The following TNPO3 variants were observed in gnomAD, a reference collection of about 807,000 sequenced individuals.
TNPO3 encodes the protein transportin 3, also known as transportin-3.
Under a neutral mutation model 122.8 loss-of-function variants are expected in TNPO3, and 65 were observed. That is an observed-to-expected ratio of 0.53 (90% CI 0.43 to 0.65). The LOEUF is 0.65. Ranked by LOEUF, TNPO3 falls within the 30% of genes least tolerant of loss-of-function variation. TNPO3 has a pLI of 0.00. For synonymous variants in TNPO3, 372 were observed against 411.2 expected, an observed-to-expected ratio of 0.90 and a Z score of 1.15; for missense variants, 850 against 1,136.7, an observed-to-expected ratio of 0.75 and a Z score of 3.63.
Position 128,957,240 on chromosome 7 carries a change from G to C in TNPO3, c.*15C>G. On this transcript the variant is annotated 3_prime_UTR_variant, in exon 22 of 23. Coordinates refer to ENST00000265388, the MANE Select transcript of TNPO3 (RefSeq NM_012470.4). ...TATCCTCACCTGGGTGACAGGCACA[G>C]TGCAGGAGTGTGAGCTATCGAAACA... is the stretch of plus-strand genomic sequence containing the variant. 6.2e-7 allele frequency: 1 copy of C among 1,614,024 alleles called. No individual in the cohort carries two copies. Among genetic ancestry groups the C allele is most frequent in the South Asian group, 1.1e-5 (1 of 91,080 alleles).
chr7:129,048,286 T>C (rs1808293567), intron 1 of TNPO3, among the ~76,000 whole-genome samples: 1 of 152,100 alleles, frequency 6.6e-6, no homozygotes, highest in Non-Finnish European at 1.5e-5. Flanking sequence ...CCCAGCACTT[T>C]GGGAGGCCAA....
intron 9 of TNPO3, 79 bp downstream of exon 9, chr7:128,993,728 G>T: frequency 8.1e-7 from 1 of 1,232,920 alleles, no homozygotes; most frequent in Non-Finnish European, 1.1e-6. Context: ...GAAATAAGAT[G>T]GAACATTCAC....
intron 1 of TNPO3, among the ~76,000 whole-genome samples, chr7:129,025,844 G>A (rs2150471781): frequency 6.6e-6 from 1 of 152,256 alleles, no homozygotes; most frequent in South Asian, 2.1e-4. Context: ...TCCCAATGTA[G>A]GCTGGGCGGA....
At chr7:128,960,059 T>C (rs1443147645) in intron 21 of TNPO3, among the ~76,000 whole-genome samples, 1 of 152,128 alleles carries the variant, frequency 6.6e-6, no homozygotes, top group Non-Finnish European at 1.5e-5. Context: ...AGAACTATAG[T>C]TATGTGCTAC....
At chr7:129,045,871 G>A (rs924001386) in intron 1 of TNPO3, among the ~76,000 whole-genome samples, 5 of 152,038 alleles carry the variant, frequency 3.3e-5, no homozygotes, top group South Asian at 2.1e-4. Flanking sequence ...TATTTGTACC[G>A]TACAGTACTT....
intron 21 of TNPO3, among the ~76,000 whole-genome samples, chr7:128,960,097 C>T (rs1238825750): frequency 6.6e-6 from 1 of 152,144 alleles, no homozygotes; most frequent in East Asian, 1.9e-4. Flanking sequence ...TGATGGACTG[C>T]ATGTATGACA....
chr7:129,026,218 T>C (rs1219947500), intron 1 of TNPO3, among the ~76,000 whole-genome samples: 1 of 151,722 alleles, frequency 6.6e-6, no homozygotes, highest in African/African-American at 2.4e-5. Flanking sequence ...ACTTTAAACA[T>C]TTCTATCTCC....
intron 1 of TNPO3, among the ~76,000 whole-genome samples, chr7:129,036,822 A>G (rs1227947630): frequency 6.6e-6 from 1 of 152,172 alleles, no homozygotes; most frequent in East Asian, 1.9e-4. Context: ...TTCTGGAAGT[A>G]AAAAAATACG....
chr7:128,981,132 T>G (rs1413717409), intron 14 of TNPO3, among the ~76,000 whole-genome samples: 11 of 152,246 alleles, frequency 7.2e-5, no homozygotes, highest in Non-Finnish European at 1.5e-5. Flanking sequence ...AGGGTTACTG[T>G]TAATAGGTTC....
intron 1 of TNPO3, among the ~76,000 whole-genome samples, chr7:129,044,582 C>T (rs1807798779): frequency 6.6e-6 from 1 of 152,138 alleles, no homozygotes; most frequent in Admixed American, 6.6e-5. Context: ...TCCCTTGTAG[C>T]AATACTGTTA....
intron 8 of TNPO3, among the ~76,000 whole-genome samples, chr7:128,995,187 A>C (rs910264844): frequency 2.0e-5 from 3 of 152,236 alleles, no homozygotes; most frequent in Admixed American, 1.3e-4. Flanking sequence ...GTAGGTATAC[A>C]GATATTCTCT....
chr7:129,005,646 C>T (rs1176229148), intron 4 of TNPO3, among the ~76,000 whole-genome samples: 1 of 152,008 alleles, frequency 6.6e-6, no homozygotes, highest in African/African-American at 2.4e-5. Context: ...GTCTGCTTCC[C>T]CTTCACCTTC....
At chr7:128,961,987 T>C (rs1186822617) in intron 21 of TNPO3, among the ~76,000 whole-genome samples, 1 of 152,210 alleles carries the variant, frequency 6.6e-6, no homozygotes, top group African/African-American at 2.4e-5. Context: ...TCTTAGTTAA[T>C]GATAGGTTCA....
At chr7:128,961,551 CTG>C (rs1797459938) in intron 21 of TNPO3, among the ~76,000 whole-genome samples, 1 of 152,160 alleles carries the variant, frequency 6.6e-6, no homozygotes, top group Non-Finnish European at 1.5e-5. Context: ...TAACACATGA[CTG>C]TATTTTCTGT....
At chr7:128,980,434 C>T (rs1202071982) in intron 14 of TNPO3, among the ~76,000 whole-genome samples, 2 of 152,110 alleles carry the variant, frequency 1.3e-5, no homozygotes, top group African/African-American at 4.8e-5. Flanking sequence ...ATGGTGAAAA[C>T]CCGTCTCTAC....
intron 17 of TNPO3, 117 bp downstream of exon 17, chr7:128,975,702 A>G (rs1473301557): frequency 2.7e-5 from 19 of 692,284 alleles, no homozygotes; most frequent in Admixed American, 5.0e-5. Flanking sequence ...TAGGAAATCA[A>G]CATGCCTGGG....
At chr7:129,018,658 T>C (rs1804108616) in intron 1 of TNPO3, among the ~76,000 whole-genome samples, 1 of 152,208 alleles carries the variant, frequency 6.6e-6, no homozygotes, top group Non-Finnish European at 1.5e-5. Context: ...CAATTATTAG[T>C]TCCCGACAAA....
At position 128,957,350 on chromosome 7, in the gene TNPO3, G is replaced by A. The variant is rs745387818; in HGVS notation, c.2712-35C>T. 2.5e-6 allele frequency: 4 copies of A among 1,610,540 alleles called. No individual in the cohort carries two copies. In the South Asian group the frequency reaches 4.4e-5, roughly 18 times the overall value. On this transcript the variant is annotated intron_variant, in intron 21 of 22. Coordinates refer to ENST00000265388, the MANE Select transcript of TNPO3 (RefSeq NM_012470.4). ...AAAAGGTAGGTTGGTCCTTGACTGAGGAGAAAGACAGAATATGCTGAAAAA... is the reference window on the plus strand; with the variant it reads ...AAAAGGTAGGTTGGTCCTTGACTGAAGAGAAAGACAGAATATGCTGAAAAA...
chr7:129,024,408 G>C (rs1423428284), intron 1 of TNPO3, among the ~76,000 whole-genome samples: 1 of 152,148 alleles, frequency 6.6e-6, no homozygotes, highest in Non-Finnish European at 1.5e-5. Flanking sequence ...ATGCTGATTT[G>C]AGCCCGCTCA....
Sources: allele counts gnomAD v4.1 joint callset (sites outside exome capture counted in the v4.1 genomes callset), GRCh38; gene constraint gnomAD v4.1.1; transcripts MANE v1.5; gene names NCBI Gene and HGNC (gene_info 2026-07-23, HGNC 2026-07-21).